ZFAND3: variants seen among roughly 807,000 people sequenced by gnomAD.
ZFAND3 encodes zinc finger AN1-type containing 3.
In ZFAND3, 10 loss-of-function variants were observed where a neutral mutation model predicts 29.6. That is an observed-to-expected ratio of 0.34 (90% confidence interval 0.21 to 0.57). The LOEUF (loss-of-function observed/expected upper bound fraction) is 0.57, where lower values mean the gene tolerates loss of function less well. Among genes scored for constraint, ZFAND3 ranks in the 20% least tolerant of loss-of-function variants. ZFAND3 has a pLI of 0.86. For missense variants in ZFAND3, 230 were observed against 304.5 expected, an observed-to-expected ratio of 0.76 and a Z score of 1.82; for synonymous variants, 128 against 112.6, an observed-to-expected ratio of 1.14 and a Z score of -0.87.
intron 1 of ZFAND3, among the ~76,000 whole-genome samples, chr6:37,864,076 C>G (rs997275532): frequency 6.6e-6 from 1 of 152,084 alleles, no homozygotes; most frequent in Non-Finnish European, 1.5e-5. Context: ...AATATTTGCA[C>G]CTTATGTTTA....
chr6:37,974,826 A>C (rs1167439553), intron 2 of ZFAND3, among the ~76,000 whole-genome samples: 2 of 152,294 alleles, frequency 1.3e-5, no homozygotes, highest in Admixed American at 1.3e-4. Flanking sequence ...AGTACTACAG[A>C]CTGCCTAATC....
At chr6:37,897,864 AAC>A (rs1344930238) in intron 1 of ZFAND3, among the ~76,000 whole-genome samples, 7 of 152,216 alleles carry the variant, frequency 4.6e-5, no homozygotes, top group Admixed American at 4.6e-4. Flanking sequence ...GAATAGCAAA[AAC>A]ACACAAAATA....
At chr6:38,016,028 A>C (rs1763246241) in intron 2 of ZFAND3, among the ~76,000 whole-genome samples, 1 of 152,248 alleles carries the variant, frequency 6.6e-6, no homozygotes, top group African/African-American at 2.4e-5. Context: ...AATGGGCCAT[A>C]CATTCAGTCA....
At chr6:37,936,859 G>C (rs914854976) in intron 2 of ZFAND3, among the ~76,000 whole-genome samples, 2 of 152,174 alleles carry the variant, frequency 1.3e-5, no homozygotes, top group African/African-American at 2.4e-5. Context: ...GCAGCATTGG[G>C]AATCTAAGTG....
At chr6:38,056,627 G>A (rs563491398) in intron 2 of ZFAND3, among the ~76,000 whole-genome samples, 2 of 152,290 alleles carry the variant, frequency 1.3e-5, no homozygotes, top group East Asian at 3.9e-4. Context: ...AGTGCTCCCA[G>A]TATTTTAAGT....
intron 1 of ZFAND3, among the ~76,000 whole-genome samples, chr6:37,839,696 G>A (rs1039509119): frequency 1.8e-4 from 28 of 151,500 alleles, no homozygotes; most frequent in African/African-American, 6.8e-4. Context: ...TGTATTTTTA[G>A]TAGAGACGGG....
intron 5 of ZFAND3, among the ~76,000 whole-genome samples, chr6:38,131,022 T>C (rs1199671868): frequency 6.6e-6 from 1 of 152,212 alleles, no homozygotes; most frequent in African/African-American, 2.4e-5. Flanking sequence ...TAATTCTTCC[T>C]GATGTAAGCT....
chr6:37,884,684 C>A (rs1487119848), intron 1 of ZFAND3, among the ~76,000 whole-genome samples: 1 of 137,650 alleles, frequency 7.3e-6, no homozygotes, highest in East Asian at 2.0e-4. Flanking sequence ...AGTGGCAGGG[C>A]AAGATTACCA....
chr6:38,087,942 T>C (rs549439052), intron 4 of ZFAND3, among the ~76,000 whole-genome samples: 1 of 152,236 alleles, frequency 6.6e-6, no homozygotes, highest in Non-Finnish European at 1.5e-5. Context: ...AAATGTTTCC[T>C]TGCTGTTAGG....
intron 3 of ZFAND3, among the ~76,000 whole-genome samples, chr6:38,082,183 G>C (rs912832347): frequency 6.7e-6 from 1 of 149,904 alleles, no homozygotes; most frequent in Non-Finnish European, 1.5e-5. Flanking sequence ...TTAGAATGTA[G>C]AAAGACTATG....
rs907213996 is a variant in ZFAND3 at position 38,034,815 on chromosome 6, A to G, written c.113-26778A>G. ...ATTTTCCCATAGGCCTTTTTGATTA[A>G]TACTTCAAATTTGACTTTTAATTTG... On this transcript the variant is annotated intron_variant, in intron 2 of 5. Transcript: ENST00000287218. Among the ~76,000 whole-genome samples the G allele has an allele frequency of 2.6e-5, 4 of 152,146 alleles. 1 individual carries two copies. Among genetic ancestry groups the G allele is most frequent in the Non-Finnish European group, 2.9e-5 (2 of 68,000 alleles).
intron 1 of ZFAND3, among the ~76,000 whole-genome samples, chr6:37,835,608 C>T (rs1763953397): frequency 6.6e-6 from 1 of 151,164 alleles, no homozygotes; most frequent in Non-Finnish European, 1.5e-5. Context: ...AAAATTTAAA[C>T]ACATAAATGG....
rs183906029 is a variant in ZFAND3 at position 38,088,537 on chromosome 6, G to A, written c.361+6080G>A. ...CTTAAAGAGTGTAATTGTATTGCTT[G>A]TAACTCAAAGGGTAAATGCTTGAGG... On this transcript the variant is annotated intron_variant, in intron 4 of 5. Transcript: ENST00000287218. Among the ~76,000 whole-genome samples the A allele has an allele frequency of 5.6e-4, 85 of 152,298 alleles. 1 individual carries two copies. The East Asian group carries it at 0.011, about 20-fold the overall frequency.
chr6:37,899,436 G>A (rs1765278773), intron 1 of ZFAND3, among the ~76,000 whole-genome samples: 1 of 152,010 alleles, frequency 6.6e-6, no homozygotes, highest in South Asian at 2.1e-4. Flanking sequence ...AACAATAGTG[G>A]CTGAGTAGCC....
chr6:37,881,022 AAT>A (rs1300576519), intron 1 of ZFAND3, among the ~76,000 whole-genome samples: 1 of 149,692 alleles, frequency 6.7e-6, no homozygotes, highest in African/African-American at 2.5e-5. Flanking sequence ...AAAAAAAAAA[AAT>A]ACTCTTCAAG....
At chr6:38,142,466 A>G (rs1362632937) in intron 5 of ZFAND3, 1 of 411,720 alleles carries the variant, frequency 2.4e-6, no homozygotes, top group East Asian at 7.2e-5. Flanking sequence ...TGTCTTCAGC[A>G]GCTCCTGGAT....
intron 2 of ZFAND3, among the ~76,000 whole-genome samples, chr6:37,980,443 A>G (rs116795558): frequency 0.014 from 2,091 of 152,082 alleles, 36 homozygotes; most frequent in African/African-American, 0.046. Context: ...CTGTTTTCCA[A>G]TTTGTTTTCC....
chr6:37,972,697 A>AT (rs56885104), intron 2 of ZFAND3, among the ~76,000 whole-genome samples: 10,090 of 143,282 alleles, frequency 0.07, 380 homozygotes, highest in Non-Finnish European at 0.097. Flanking sequence ...AGGCCTATTA[A>AT]TTTTTTTTTT....
At chr6:38,082,053 C>T (rs1764673292) in intron 3 of ZFAND3, among the ~76,000 whole-genome samples, 1 of 151,984 alleles carries the variant, frequency 6.6e-6, no homozygotes, top group East Asian at 1.9e-4. Flanking sequence ...TGCATCTCCC[C>T]AAACTTGTGG....
Sources: allele counts gnomAD v4.1 joint callset (sites outside exome capture counted in the v4.1 genomes callset), GRCh38; gene constraint gnomAD v4.1.1; transcripts MANE v1.5; gene names NCBI Gene and HGNC (gene_info 2026-07-23, HGNC 2026-07-21).